NIBAN1: variants seen among roughly 807,000 people sequenced by gnomAD.
The protein encoded by NIBAN1 is protein Niban 1.
A neutral mutation model predicts 75.1 loss-of-function variants in NIBAN1; 81 were observed. That is an observed-to-expected ratio of 1.08 (90% confidence interval 0.90 to 1.30). The LOEUF (loss-of-function observed/expected upper bound fraction) is 1.30, where lower values mean the gene tolerates loss of function less well. Ranked by LOEUF, NIBAN1 falls within the 50% of genes most tolerant of loss-of-function variation. The probability of loss-of-function intolerance (pLI) is 0.00; values close to 1 mark genes in which losing one functional copy is unlikely to be tolerated. For missense variants in NIBAN1, 1,133 were observed against 1,128.1 expected (o/e 1.00, Z -0.06); for synonymous variants, 436 against 424.8 (o/e 1.03, Z -0.32).
At chr1:184,851,967 A>C (rs571407070) in intron 5 of NIBAN1, among the ~76,000 whole-genome samples, 2 of 152,184 alleles carry the variant, frequency 1.3e-5, no homozygotes, top group East Asian at 3.9e-4. Context: ...GGCAGCTTCC[A>C]AAGCCCAGCA....
intron 12 of NIBAN1, among the ~76,000 whole-genome samples, chr1:184,803,133 C>T (rs911478685): frequency 6.6e-6 from 1 of 152,304 alleles, no homozygotes; most frequent in South Asian, 2.1e-4. Flanking sequence ...GAACAAATAT[C>T]CTGTAATTAT....
At chr1:184,958,610 T>C (rs1023959043) in intron 1 of NIBAN1, among the ~76,000 whole-genome samples, 1 of 152,184 alleles carries the variant, frequency 6.6e-6, no homozygotes, top group African/African-American at 2.4e-5. Flanking sequence ...CTGTTACCTT[T>C]CGTCTAAGAT....
At chr1:184,921,222 G>A (rs1359425157) in intron 1 of NIBAN1, among the ~76,000 whole-genome samples, 2 of 152,042 alleles carry the variant, frequency 1.3e-5, no homozygotes, top group African/African-American at 2.4e-5. Context: ...ACTTGAACCC[G>A]GGAGGCGGAG....
intron 1 of NIBAN1, among the ~76,000 whole-genome samples, chr1:184,934,991 G>C (rs939253131): frequency 2.0e-5 from 3 of 152,214 alleles, no homozygotes; most frequent in East Asian, 1.9e-4. Context: ...GATCACTTAA[G>C]CCGGGGAGCT....
intron 13 of NIBAN1, among the ~76,000 whole-genome samples, chr1:184,796,474 G>T (rs1291006136): frequency 6.6e-6 from 1 of 152,144 alleles, no homozygotes; most frequent in East Asian, 1.9e-4. Context: ...TGTCCACCTG[G>T]ACTGAAATCC....
chr1:184,812,610 C>A (rs1376229126), intron 9 of NIBAN1, among the ~76,000 whole-genome samples: 1 of 152,216 alleles, frequency 6.6e-6, no homozygotes, highest in Non-Finnish European at 1.5e-5. Context: ...CATAGCAGTA[C>A]TTTCTCTTGG....
At position 184,823,243 on chromosome 1, in the gene NIBAN1, C is replaced by T. The variant is rs1269619104; in HGVS notation, c.909G>A (p.Lys303=). The T allele has an allele frequency of 1.2e-6, 2 of 1,614,098 alleles. No homozygotes were observed. The highest frequency in any genetic ancestry group is 1.7e-5 in the Admixed American group (1 of 60,004). Residue 303 remains lysine, a synonymous_variant, in exon 8 of 14, where the codon AAG becomes AAA. Coordinates refer to ENST00000367511, the MANE Select transcript of NIBAN1 (RefSeq NM_052966.4). ...CAGAACGGATCGTTCCTTCCAGGCC[C>T]TTTGTCAGAGCTCTGCATTCCTCCT... ...ALKEECRALT[K]GLEGTIRSDM...
At chr1:184,886,645 C>T (rs1656533832) in intron 4 of NIBAN1, among the ~76,000 whole-genome samples, 1 of 152,076 alleles carries the variant, frequency 6.6e-6, no homozygotes, top group Non-Finnish European at 1.5e-5. Flanking sequence ...AAATGAGTTC[C>T]AACTTTTTCC....
At chr1:184,934,792 G>C (rs938971634) in intron 1 of NIBAN1, among the ~76,000 whole-genome samples, 4 of 152,176 alleles carry the variant, frequency 2.6e-5, no homozygotes, top group African/African-American at 9.7e-5. Flanking sequence ...ATACTTAGGA[G>C]GCTGAGGCAG....
chr1:184,874,840 C>G (rs762422135), intron 5 of NIBAN1, among the ~76,000 whole-genome samples: 1 of 151,592 alleles, frequency 6.6e-6, no homozygotes, highest in Non-Finnish European at 1.5e-5. Flanking sequence ...ACACTATTAA[C>G]ACACCTAAGC....
Position 184,974,336 on chromosome 1 carries a change from G to T in NIBAN1, c.21C>A (p.Ser7Arg). 1 of 1,565,724 alleles carries T rather than the reference G, an allele frequency of 6.4e-7. No individual in the cohort carries two copies. Among genetic ancestry groups the T allele is most frequent in the South Asian group, 1.2e-5 (1 of 85,902 alleles). Residue 7 changes from serine (S) to arginine (R), a missense_variant, in exon 1 of 14, where the codon AGC (serine) becomes AGA (arginine). Physicochemically the swap from Ser to Arg is moderately radical, Grantham distance 110. Transcript: ENST00000367511. MGGSAS[S>R]QLDEGKCAYI... ...AAGCGCACTTGCCCTCGTCCAGCTG[G>T]CTGGAGGCTGAGCCGCCCATGACCG...
chr1:184,902,391 C>T (rs1210103953), intron 1 of NIBAN1, among the ~76,000 whole-genome samples: 1 of 152,078 alleles, frequency 6.6e-6, no homozygotes, highest in African/African-American at 2.4e-5. Flanking sequence ...GAGTAGCAGC[C>T]TCATAAGGTT....
intron 1 of NIBAN1, among the ~76,000 whole-genome samples, chr1:184,967,486 C>T (rs1658826251): frequency 6.6e-6 from 1 of 152,138 alleles, no homozygotes; most frequent in Admixed American, 6.5e-5. Flanking sequence ...ATTCACACTG[C>T]ATATTTTGTA....
chr1:184,827,560 G>GTTTT (rs58483276), intron 6 of NIBAN1, among the ~76,000 whole-genome samples: 1 of 117,676 alleles, frequency 8.5e-6, no homozygotes. Context: ...AAATACTTCA[G>GTTTT]TTTTTTTTTT....
At chr1:184,810,360 T>C (rs1210982866) in intron 9 of NIBAN1, among the ~76,000 whole-genome samples, 1 of 152,216 alleles carries the variant, frequency 6.6e-6, no homozygotes, top group Non-Finnish European at 1.5e-5. Flanking sequence ...TAGTAGATCA[T>C]TGGTGGGGCC....
chr1:184,831,864 T>C lies in NIBAN1; in HGVS notation c.700A>G (p.Thr234Ala), dbSNP rs755017155. ...CATATTACCTGGATTTCATCCCCAG[T>C]GATCATTTCCCAGGAACCATAGTGA... ...KGHYGSWEMI[T>A]GDEIQILSNL... The change falls in exon 6 of 14, where the codon ACT becomes GCT. Residue 234 changes from threonine (T) to alanine (A), a missense_variant. Transcript: ENST00000367511. 1 of 1,614,042 alleles carries C rather than the reference T, an allele frequency of 6.2e-7. No homozygotes were observed. The highest frequency in any genetic ancestry group is 8.5e-7 in the Non-Finnish European group (1 of 1,179,880).
At chr1:184,920,231 T>C (rs1171162703) in intron 1 of NIBAN1, among the ~76,000 whole-genome samples, 1 of 152,232 alleles carries the variant, frequency 6.6e-6, no homozygotes, top group African/African-American at 2.4e-5. Context: ...TTAACGTTTA[T>C]GGCTATTTGA....
At chr1:184,926,110 G>T (rs1276412293) in intron 1 of NIBAN1, among the ~76,000 whole-genome samples, 1 of 152,092 alleles carries the variant, frequency 6.6e-6, no homozygotes, top group African/African-American at 2.4e-5. Context: ...ACTATTCTAG[G>T]ATACAAGGTA....
At chr1:184,882,111 C>G (rs755089375) in intron 5 of NIBAN1, among the ~76,000 whole-genome samples, 34 of 152,310 alleles carry the variant, frequency 2.2e-4, no homozygotes, top group South Asian at 4.1e-4. Context: ...GCTGACAGCC[C>G]TTCCTCATCT....
Sources: allele counts gnomAD v4.1 joint callset (sites outside exome capture counted in the v4.1 genomes callset), GRCh38; gene constraint gnomAD v4.1.1; transcripts MANE v1.5; gene names NCBI Gene and HGNC (gene_info 2026-07-23, HGNC 2026-07-21).